Variants in NPHP1 observed in about 807,000 individuals in gnomAD.
The protein encoded by NPHP1 is nephrocystin 1.
In NPHP1, 70 loss-of-function variants were observed where a neutral mutation model predicts 90.4. The ratio of observed to expected loss-of-function variants is 0.77; its 90% confidence interval spans 0.64 to 0.95. The LOEUF (loss-of-function observed/expected upper bound fraction) is 0.95, where lower values mean the gene tolerates loss of function less well. Among genes scored for constraint, NPHP1 ranks in the 40% least tolerant of loss-of-function variants. The pLI, the probability that NPHP1 is intolerant of heterozygous loss-of-function variation, is 0.00. For synonymous variants in NPHP1, 256 were observed against 271.7 expected, an observed-to-expected ratio of 0.94 and a Z score of 0.57; for missense variants, 764 against 795.9, an observed-to-expected ratio of 0.96 and a Z score of 0.48.
At chr2:110,180,628 T>C (rs1284864903) in intron 2 of NPHP1, among the ~76,000 whole-genome samples, 1 of 151,996 alleles carries the variant, frequency 6.6e-6, no homozygotes, top group Admixed American at 6.5e-5. Flanking sequence ...ATATCCAGGT[T>C]CTCACATTGA....
At chr2:110,141,701 G>A (rs183710194) in intron 16 of NPHP1, among the ~76,000 whole-genome samples, 27 of 152,156 alleles carry the variant, frequency 1.8e-4, no homozygotes, top group African/African-American at 4.6e-4. Flanking sequence ...GGCCGGATGC[G>A]GTGGCTCAAG....
At chr2:110,149,490 C>T (rs1681309110) in intron 12 of NPHP1, among the ~76,000 whole-genome samples, 1 of 152,156 alleles carries the variant, frequency 6.6e-6, no homozygotes, top group African/African-American at 2.4e-5. Flanking sequence ...ACAGGCACAG[C>T]ACACAGTTGA....
At position 110,200,509 on chromosome 2, in the gene NPHP1, G is replaced by A. The variant is rs1017937360; in HGVS notation, c.143+912C>T. ...ACCTGGGAGGTGCAGGTTGCAATGA[G>A]CCGAGATTGCGCCACTGCACTCCAG... On this transcript the variant is annotated intron_variant, in intron 2 of 19. Transcript: ENST00000445609. Among the ~76,000 whole-genome samples the A allele has an allele frequency of 3.3e-5, 5 of 152,122 alleles. 1 individual carries two copies. Among genetic ancestry groups the A allele is most frequent in the Admixed American group, 6.5e-5 (1 of 15,286 alleles).
intron 2 of NPHP1, among the ~76,000 whole-genome samples, chr2:110,193,766 T>A (rs1261950856): frequency 2.0e-5 from 3 of 152,174 alleles, no homozygotes; most frequent in Admixed American, 2.0e-4. Flanking sequence ...AGTAAAGCAC[T>A]CCTCAGCAAA....
At position 110,178,547 on chromosome 2, in the gene NPHP1, C is replaced by T. The variant is rs753950057; in HGVS notation, c.205G>A (p.Ala69Thr). 6.2e-7 allele frequency: 1 copy of T among 1,610,268 alleles called. No homozygotes were observed. Among genetic ancestry groups the T allele is most frequent in the East Asian group, 2.2e-5 (1 of 44,814 alleles). Reference sequence around the variant, plus strand: ...TTTGCAACAGGTGCAGATTCATCAGCCTATGAGAGAATATAGGTCTATTTC... The same window carrying T: ...TTTGCAACAGGTGCAGATTCATCAGTCTATGAGAGAATATAGGTCTATTTC... ...NKNALQKLSKADESAPVANYN... is the reference protein window; with the variant it reads ...NKNALQKLSKTDESAPVANYN... Residue 69 changes from alanine (A) to threonine (T), a missense_variant and splice_region_variant, in exon 4 of 20, where the codon GCT becomes ACT. By Grantham distance (58) the Ala-to-Thr change is moderately conservative. Transcript: ENST00000445609.
chr2:110,136,252 A>G (rs943446363), intron 16 of NPHP1, among the ~76,000 whole-genome samples: 10 of 152,178 alleles, frequency 6.6e-5, no homozygotes, highest in Admixed American at 6.5e-4. Context: ...ATTCCCTTTG[A>G]AAACTGGCAC....
intron 4 of NPHP1, among the ~76,000 whole-genome samples, chr2:110,172,627 A>T (rs574888437): frequency 6.6e-6 from 1 of 152,162 alleles, no homozygotes; most frequent in South Asian, 2.1e-4. Context: ...CAAAAAATTT[A>T]AAAAATTTGC....
At chr2:110,166,253 T>C (rs1257997067) in intron 6 of NPHP1, among the ~76,000 whole-genome samples, 3 of 152,186 alleles carry the variant, frequency 2.0e-5, no homozygotes, top group African/African-American at 7.2e-5. Context: ...TAGGAATTTA[T>C]CTAAGGGGAT....
chr2:110,201,871 C>G (rs1332253157), intron 1 of NPHP1, among the ~76,000 whole-genome samples: 2 of 152,104 alleles, frequency 1.3e-5, no homozygotes, highest in Admixed American at 6.5e-5. Flanking sequence ...TCTGTGTAAC[C>G]AAAATTCTTA....
At chr2:110,200,374 G>T (rs1685490326) in intron 2 of NPHP1, among the ~76,000 whole-genome samples, 1 of 152,098 alleles carries the variant, frequency 6.6e-6, no homozygotes, top group African/African-American at 2.4e-5. Context: ...AACCAGCCTG[G>T]CCAACGTGAT....
chr2:110,136,830 G>T (rs1392141683), intron 16 of NPHP1, among the ~76,000 whole-genome samples: 1 of 152,010 alleles, frequency 6.6e-6, no homozygotes, highest in Non-Finnish European at 1.5e-5. Flanking sequence ...CTACTTTAAA[G>T]TTCACATGGA....
intron 14 of NPHP1, among the ~76,000 whole-genome samples, chr2:110,144,993 T>C (rs1018989549): frequency 1.3e-5 from 2 of 152,018 alleles, no homozygotes; most frequent in Admixed American, 1.3e-4. Flanking sequence ...TGTAGATTAT[T>C]ATAAAAAGTT....
chr2:110,189,078 A>G (rs1189706509), intron 2 of NPHP1, among the ~76,000 whole-genome samples: 1 of 152,194 alleles, frequency 6.6e-6, no homozygotes, highest in African/African-American at 2.4e-5. Flanking sequence ...CATTCAGGAC[A>G]TAGGCACAGG....
At chr2:110,184,462 C>A in intron 2 of NPHP1, 1 of 751,386 alleles carries the variant, frequency 1.3e-6, no homozygotes, top group Non-Finnish European at 2.3e-6. Context: ...AATGTGCCTG[C>A]TATTTTCATC....
intron 4 of NPHP1, among the ~76,000 whole-genome samples, chr2:110,172,203 A>G (rs935427900): frequency 2.0e-5 from 3 of 152,022 alleles, no homozygotes; most frequent in African/African-American, 7.2e-5. Context: ...TAGTCTTTTC[A>G]TAGTATCTTT....
At chr2:110,195,427 C>A (rs2104689725) in intron 2 of NPHP1, among the ~76,000 whole-genome samples, 1 of 152,180 alleles carries the variant, frequency 6.6e-6, no homozygotes, top group East Asian at 1.9e-4. Flanking sequence ...GAATAAAATA[C>A]CTAGAAATCC....
At chr2:110,158,070 TAGA>T (rs1263158655) in intron 11 of NPHP1, among the ~76,000 whole-genome samples, 1 of 152,190 alleles carries the variant, frequency 6.6e-6, no homozygotes, top group African/African-American at 2.4e-5. Context: ...TTTGATTATT[TAGA>T]AGTAGTTTTT....
intron 10 of NPHP1, among the ~76,000 whole-genome samples, chr2:110,160,481 T>G (rs181124720): frequency 1.9e-4 from 29 of 152,298 alleles, no homozygotes; most frequent in African/African-American, 7.0e-4. Context: ...TCTTAAATAC[T>G]TAAAAGCTGT....
chr2:110,139,606 T>C (rs1680481539), intron 16 of NPHP1, among the ~76,000 whole-genome samples: 1 of 152,250 alleles, frequency 6.6e-6, no homozygotes, highest in African/African-American at 2.4e-5. Context: ...GAGAGGGCAG[T>C]GTAAAGCCAA....
Sources: allele counts gnomAD v4.1 joint callset (sites outside exome capture counted in the v4.1 genomes callset), GRCh38; gene constraint gnomAD v4.1.1; transcripts MANE v1.5; gene names NCBI Gene and HGNC (gene_info 2026-07-23, HGNC 2026-07-21).